TMEM192: variants seen among roughly 807,000 people sequenced by gnomAD.
The protein encoded by TMEM192 is transmembrane protein 192.
A neutral mutation model predicts 26.7 loss-of-function variants in TMEM192; 20 were observed. That is an observed-to-expected ratio of 0.75 (90% CI 0.53 to 1.09). The LOEUF is 1.09. Ranked by LOEUF, TMEM192 falls within the 50% of genes least tolerant of loss-of-function variation. The pLI, the probability that TMEM192 is intolerant of heterozygous loss-of-function variation, is 0.00. For missense variants in TMEM192, 304 were observed against 322.6 expected (o/e 0.94, Z 0.44); for synonymous variants, 124 against 121.0 (o/e 1.02, Z -0.16).
At position 165,071,993 on chromosome 4, in the gene TMEM192, A is replaced by T. The variant is rs28722924; in HGVS notation, c.*7665T>A. The T allele has an allele frequency of 0.83, 126,315 of 152,128 alleles. 53,754 individuals are homozygous for T. The highest frequency in any genetic ancestry group is 0.94 in the East Asian group (4,832 of 5,152). 9.4% of individuals were successfully genotyped at this position (152,128 alleles called of 1,614,324 possible). A position where few individuals can be genotyped will look rare whatever the true frequency, so the allele number is the denominator to read the frequency against. ...TGTGGTGGCTCATGCCTGTAATCCC[A>T]GTACTTTGGGAGGCCAAGGAGGGAG... is the stretch of plus-strand genomic sequence containing the variant. On this transcript the variant is annotated 3_prime_UTR_variant, in exon 6 of 6. Transcript: ENST00000306480.
chr4:165,089,163 C>G (rs566190626), intron 3 of TMEM192, among the ~76,000 whole-genome samples: 138 of 150,946 alleles, frequency 9.1e-4, no homozygotes, highest in Middle Eastern at 3.5e-3. Flanking sequence ...AAAGTATGAT[C>G]TACTGGGAAT....
At chr4:165,089,930 G>A (rs1430408867) in intron 3 of TMEM192, among the ~76,000 whole-genome samples, 1 of 151,968 alleles carries the variant, frequency 6.6e-6, no homozygotes, top group Non-Finnish European at 1.5e-5. Context: ...GTGTCTTTTA[G>A]GCCAGGCGCG....
intron 3 of TMEM192, among the ~76,000 whole-genome samples, chr4:165,089,040 C>CAAAAAA (rs56000323): frequency 2.1e-5 from 1 of 47,290 alleles, no homozygotes; most frequent in Non-Finnish European, 3.4e-5. Context: ...GACCCTACTG[C>CAAAAAA]AAAAAAAAAA....
At chr4:165,107,261 G>A (rs1399094990) in intron 1 of TMEM192, among the ~76,000 whole-genome samples, 1 of 151,666 alleles carries the variant, frequency 6.6e-6, no homozygotes, top group African/African-American at 2.4e-5. Flanking sequence ...CTGACCTCAA[G>A]TGGTCCACCC....
Position 165,098,190 on chromosome 4 carries a change from T to C in TMEM192, c.439+2438A>G, listed in dbSNP as rs890584769. Among the ~76,000 whole-genome samples the C allele has an allele frequency of 2.6e-5, 4 of 151,720 alleles. No individual in the cohort carries two copies. In the East Asian group the frequency reaches 5.9e-4, roughly 22 times the overall value. On this transcript the variant is annotated intron_variant, in intron 3 of 5. Transcript: ENST00000306480. The stretch of plus-strand genomic sequence containing the variant: ...CCCAGGCTGCAGTGCAATGGTATGA[T>C]TGCAGCTCACTGCAACCTCTGCCTC...
chr4:165,102,862 TAGA>T, intron 2 of TMEM192, 85 bp downstream of exon 2: 1 of 1,249,306 alleles, frequency 8.0e-7, no homozygotes, highest in Admixed American at 2.7e-5. Context: ...TAAATGTTGA[TAGA>T]TACAGCACAA....
intron 2 of TMEM192, 72 bp from the exon 3 acceptor site, chr4:165,100,964 A>G: frequency 7.8e-7 from 1 of 1,281,550 alleles, no homozygotes; most frequent in East Asian, 2.6e-5. Context: ...CCATCCCAGC[A>G]TACATTCTTT....
chr4:165,100,690 T>C lies in TMEM192; in HGVS notation c.377A>G (p.Tyr126Cys), dbSNP rs768342578. ...CCTTGTTGATCGGTAGATCAAGTTA[T>C]AGCCTCGGTTTCTGATTTTGCTGTG... Reference protein sequence around the residue: ...YHHSKIRNRGYNLIYRSTRHL... With the variant: ...YHHSKIRNRGCNLIYRSTRHL... Residue 126 changes from tyrosine (Y) to cysteine (C), a missense_variant, in exon 3 of 6, where the codon TAT becomes TGT. Tyr to Cys is a radical substitution (Grantham distance 194, BLOSUM62 -2). Transcript: ENST00000306480. 1.2e-6 allele frequency: 2 copies of C among 1,614,182 alleles called. No individual in the cohort carries two copies. Among genetic ancestry groups the C allele is most frequent in the Non-Finnish European group, 1.7e-6 (2 of 1,180,032 alleles).
intron 1 of TMEM192, among the ~76,000 whole-genome samples, chr4:165,105,995 A>G (rs1735151460): frequency 6.6e-6 from 1 of 152,144 alleles, no homozygotes; most frequent in Admixed American, 6.6e-5. Context: ...AGAAGGCGCC[A>G]TCTTTGAAGC....
chr4:165,111,746 A>G (rs1343258745), intron 1 of TMEM192: 2 of 152,254 alleles, frequency 1.3e-5, no homozygotes, highest in Non-Finnish European at 2.9e-5. Context: ...AAGATTATTT[A>G]ACTGGTTACT....
chr4:165,089,991 C>A (rs1474220025), intron 3 of TMEM192, among the ~76,000 whole-genome samples: 1 of 151,902 alleles, frequency 6.6e-6, no homozygotes, highest in African/African-American at 2.4e-5. Context: ...GTGGGTAGAT[C>A]ACCTGAGGTT....
At chr4:165,111,504 A>ACTGCATG (rs150841645) in intron 1 of TMEM192, 6,977 of 152,234 alleles carry the variant, frequency 0.046, 229 homozygotes, top group East Asian at 0.15. Flanking sequence ...AGAAGCACTT[A>ACTGCATG]CTGCATGTGT....
chr4:165,105,619 C>A (rs578078837), intron 1 of TMEM192, among the ~76,000 whole-genome samples: 32 of 152,234 alleles, frequency 2.1e-4, no homozygotes, highest in Middle Eastern at 3.4e-3. Context: ...GTATTAGCCA[C>A]TATTATTTCT....
intron 3 of TMEM192, among the ~76,000 whole-genome samples, chr4:165,095,116 G>C (rs1734865056): frequency 6.6e-6 from 1 of 152,108 alleles, no homozygotes; most frequent in African/African-American, 2.4e-5. Context: ...AGGATCTGAT[G>C]CCTCCTAGAA....
chr4:165,110,700 C>T lies in TMEM192; in HGVS notation c.27+2047G>A, dbSNP rs1560938062. Among the ~76,000 whole-genome samples the T allele has an allele frequency of 3.3e-5, 5 of 152,074 alleles. No individual in the cohort carries two copies. The South Asian group carries it at 1.0e-3, about 31-fold the overall frequency. ...AACCTGGGCAACAAGGGTGAAACTCCATCACAAAAAAAGAAGAAAGATCAT... is the reference window on the plus strand; with the variant it reads ...AACCTGGGCAACAAGGGTGAAACTCTATCACAAAAAAAGAAGAAAGATCAT... On this transcript the variant is annotated intron_variant, in intron 1 of 5. Transcript: ENST00000306480.
chr4:165,086,198 G>C (rs1734612433), intron 4 of TMEM192, among the ~76,000 whole-genome samples: 1 of 152,118 alleles, frequency 6.6e-6, no homozygotes, highest in South Asian at 2.1e-4. Context: ...GGAGGTATCA[G>C]AGAGGGGAAA....
At chr4:165,095,087 C>T (rs747773951) in intron 3 of TMEM192, among the ~76,000 whole-genome samples, 36 of 152,030 alleles carry the variant, frequency 2.4e-4, no homozygotes, top group Non-Finnish European at 2.9e-5. Context: ...TGAGAGCTAC[C>T]ATGCCTGGGC....
intron 3 of TMEM192, among the ~76,000 whole-genome samples, chr4:165,089,284 A>C (rs1734698604): frequency 1.3e-5 from 2 of 151,738 alleles, no homozygotes; most frequent in Non-Finnish European, 2.9e-5. Flanking sequence ...ACCCCTCTGA[A>C]ATAAGGGTCT....
chr4:165,080,470 C>A (rs1267108620), intron 5 of TMEM192, among the ~76,000 whole-genome samples: 1 of 151,852 alleles, frequency 6.6e-6, no homozygotes, highest in Non-Finnish European at 1.5e-5. Flanking sequence ...AATAATATGC[C>A]AGATGAATTT....
Sources: gnomAD v4.1 joint callset for allele counts (sites outside exome capture counted in the v4.1 genomes callset) on GRCh38, gnomAD v4.1.1 for gene constraint, MANE v1.5 for transcripts, NCBI Gene and HGNC (gene_info 2026-07-23, HGNC 2026-07-21) for gene names.